SAMMSON: variants seen among roughly 807,000 people sequenced by gnomAD.
SAMMSON encodes the protein long intergenic non-protein coding RNA 1212.
intron 7 of SAMMSON, chr3:70,311,999 T>TA (rs1415552652): frequency 5.0e-6 from 2 of 397,508 alleles, no homozygotes; most frequent in African/African-American, 2.1e-5. Context: ...ATTTGTGATA[T>TA]AAAAAATTCA....
chr3:70,109,608 G>A (rs1257003599), intron 4 of SAMMSON, among the ~76,000 whole-genome samples: 2 of 151,966 alleles, frequency 1.3e-5, no homozygotes, highest in African/African-American at 4.8e-5. Context: ...GTGTCCTTTC[G>A]GATACTCTCC....
chr3:70,353,601 A>T (rs941447214), intron 7 of SAMMSON, among the ~76,000 whole-genome samples: 5 of 152,190 alleles, frequency 3.3e-5, no homozygotes, highest in African/African-American at 1.2e-4. Context: ...CTGGAAAACC[A>T]GATCAGCCAT....
At chr3:70,406,631 C>A (rs557829367) in intron 2 of SAMMSON, among the ~76,000 whole-genome samples, 3 of 152,112 alleles carry the variant, frequency 2.0e-5, no homozygotes, top group Non-Finnish European at 2.9e-5. Flanking sequence ...ATACATGATG[C>A]AATATTTCAA....
In SAMMSON at chr3:70,295,741, A is replaced by G. The variant is rs184934205; in HGVS notation, n.739+4498A>G. 2.0e-5 allele frequency among the ~76,000 whole-genome samples: 3 copies of G among 152,302 alleles called. No individual in the cohort carries two copies. The East Asian group carries it at 5.8e-4, about 29-fold the overall frequency. ...ACAAATACTACAATGCAAATATTTT[A>G]AAGTGCTGTATCTTTTGATCTGTGA... On this transcript the variant is annotated intron_variant and non_coding_transcript_variant, in intron 7 of 9. Transcript: ENST00000642114.
At chr3:70,211,343 T>C (rs74188947) in intron 4 of SAMMSON, among the ~76,000 whole-genome samples, 22 of 7,460 alleles carry the variant, frequency 2.9e-3, no homozygotes, top group Non-Finnish European at 9.2e-3. Context: ...CTTCCCTTCC[T>C]TTTGCCCTTC....
At chr3:70,191,347 G>C (rs983740970) in intron 4 of SAMMSON, among the ~76,000 whole-genome samples, 4 of 152,196 alleles carry the variant, frequency 2.6e-5, no homozygotes, top group African/African-American at 9.6e-5. Flanking sequence ...GCATAGTGTT[G>C]TTGACTGATT....
At chr3:70,335,347 A>G (rs4246678) in intron 7 of SAMMSON, among the ~76,000 whole-genome samples, 93,897 of 151,750 alleles carry the variant, frequency 0.62, 29,471 homozygotes, top group Admixed American at 0.67. Context: ...GTTTTGTTGA[A>G]GGGTTTGTTA....
At chr3:70,179,419 A>G (rs935527364) in intron 4 of SAMMSON, among the ~76,000 whole-genome samples, 5 of 152,334 alleles carry the variant, frequency 3.3e-5, no homozygotes, top group Admixed American at 6.5e-5. Flanking sequence ...TAAGACAGAC[A>G]GGAGCAGAGT....
chr3:70,218,367 C>T (rs138556041), intron 4 of SAMMSON, among the ~76,000 whole-genome samples: 64 of 152,176 alleles, frequency 4.2e-4, no homozygotes, highest in African/African-American at 1.5e-3. Context: ...ATTAGGTGGG[C>T]TTGCTATTTT....
At chr3:70,338,019 ATC>A (rs1702678895) in intron 7 of SAMMSON, among the ~76,000 whole-genome samples, 1 of 151,694 alleles carries the variant, frequency 6.6e-6, no homozygotes, top group South Asian at 2.1e-4. Context: ...GATTATAGTC[ATC>A]TGTTTTTATT....
rs552611209 is a variant in SAMMSON at position 70,301,829 on chromosome 3, A to G, written n.739+10586A>G. ...AGCAGATATATTTTGGTAACTCTAC[A>G]GGAAGTTTAATTTTCTATCTATAAT... is the stretch of plus-strand genomic sequence containing the variant. On this transcript the variant is annotated intron_variant and non_coding_transcript_variant, in intron 7 of 9. Coordinates refer to ENST00000642114, the Ensembl canonical transcript of SAMMSON. Among the ~76,000 whole-genome samples, 57 of 152,216 alleles carry G rather than the reference A, an allele frequency of 3.7e-4. 1 individual carries two copies. The South Asian group carries it at 6.2e-3, about 17-fold the overall frequency.
At chr3:70,359,357 A>G (rs1702854141) in intron 9 of SAMMSON, among the ~76,000 whole-genome samples, 1 of 152,220 alleles carries the variant, frequency 6.6e-6, no homozygotes, top group Non-Finnish European at 1.5e-5. Context: ...CATGAAAAAT[A>G]GCCAGGTTTT....
chr3:70,178,744 C>T (rs1294981258), intron 4 of SAMMSON, among the ~76,000 whole-genome samples: 3 of 152,192 alleles, frequency 2.0e-5, no homozygotes. Context: ...CACAGTAGCT[C>T]ATGCCTGTAA....
chr3:70,246,100 A>C (rs1332820584), intron 4 of SAMMSON, among the ~76,000 whole-genome samples: 1 of 151,788 alleles, frequency 6.6e-6, no homozygotes, highest in Non-Finnish European at 1.5e-5. Flanking sequence ...ACACACCATA[A>C]AAAAAAACCC....
chr3:70,250,567 G>A (rs139868628), intron 6 of SAMMSON, among the ~76,000 whole-genome samples: 124 of 152,076 alleles, frequency 8.2e-4, no homozygotes, highest in Non-Finnish European at 1.3e-3. Flanking sequence ...TAAACTATTC[G>A]GGTGGAAAAA....
Position 70,184,298 on chromosome 3 carries a change from G to T in SAMMSON, n.508-64809G>T, listed in dbSNP as rs915658474. The stretch of plus-strand genomic sequence containing the variant: ...ATATAGACAGGTTTGTTTTTCCCCT[G>T]CAGGACTTCTCAGAGCCTTTACTAT... On this transcript the variant is annotated intron_variant and non_coding_transcript_variant, in intron 4 of 9. Coordinates refer to ENST00000642114, the Ensembl canonical transcript of SAMMSON. 10 of 152,258 alleles carry T rather than the reference G, an allele frequency of 6.6e-5. No individual in the cohort carries two copies. In the East Asian group the frequency reaches 1.9e-3, roughly 29 times the overall value. The allele number at this position is 152,258 out of a possible 1,614,324, so 9.4% of individuals were successfully genotyped here.
intron 3 of SAMMSON, among the ~76,000 whole-genome samples, chr3:70,037,264 T>C (rs2067088711): frequency 6.6e-6 from 1 of 152,042 alleles, no homozygotes. Flanking sequence ...GTCCTTCCCC[T>C]CTGGCTTCAA....
At chr3:70,225,083 A>C (rs1361304411) in intron 4 of SAMMSON, among the ~76,000 whole-genome samples, 1 of 152,202 alleles carries the variant, frequency 6.6e-6, no homozygotes, top group Non-Finnish European at 1.5e-5. Context: ...GGAAAGTTAC[A>C]GAATAAATAT....
intron 8 of SAMMSON, among the ~76,000 whole-genome samples, chr3:70,355,684 A>C (rs1575632475): frequency 6.6e-6 from 1 of 152,148 alleles, no homozygotes; most frequent in African/African-American, 2.4e-5. Context: ...GACGGCAAGA[A>C]ATTATTAAAT....
Sources: allele counts gnomAD v4.1 joint callset (sites outside exome capture counted in the v4.1 genomes callset), GRCh38; gene constraint gnomAD v4.1.1; transcripts MANE v1.5; gene names NCBI Gene and HGNC (gene_info 2026-07-23, HGNC 2026-07-21).